The following HIVEP3 variants were observed in gnomAD, a reference collection of about 807,000 sequenced individuals.
The protein encoded by HIVEP3 is transcription factor HIVEP3.
Under a neutral mutation model 152.8 loss-of-function variants are expected in HIVEP3, and 49 were observed. That is an observed-to-expected ratio of 0.32 (90% CI 0.26 to 0.41). The LOEUF (loss-of-function observed/expected upper bound fraction) is 0.41, where lower values mean the gene tolerates loss of function less well. Among genes scored for constraint, HIVEP3 ranks in the 10% least tolerant of loss-of-function variants. HIVEP3 has a pLI of 1.00. For missense variants in HIVEP3, 2,790 were observed against 3,103.3 expected, an observed-to-expected ratio of 0.90 and a Z score of 2.40; for synonymous variants, 1,269 against 1,289.0, an observed-to-expected ratio of 0.98 and a Z score of 0.33.
chr1:41,834,936 T>C (rs1326304298), intron 1 of HIVEP3, among the ~76,000 whole-genome samples: 1 of 151,932 alleles, frequency 6.6e-6, no homozygotes, highest in African/African-American at 2.4e-5. Flanking sequence ...TGACCAGGAA[T>C]GATGAGCTGA....
chr1:41,685,203 T>C (rs1039080409), intron 2 of HIVEP3, among the ~76,000 whole-genome samples: 1 of 152,192 alleles, frequency 6.6e-6, no homozygotes, highest in Admixed American at 6.5e-5. Context: ...GCTGTTTGAA[T>C]GCAAGGTGCT....
intron 1 of HIVEP3, among the ~76,000 whole-genome samples, chr1:41,749,804 C>G (rs974611536): frequency 6.6e-6 from 1 of 152,186 alleles, no homozygotes; most frequent in Non-Finnish European, 1.5e-5. Context: ...CTCTACGGAG[C>G]TCCGGGGGCA....
intron 1 of HIVEP3, among the ~76,000 whole-genome samples, chr1:41,707,738 A>ACC (rs1264055084): frequency 6.6e-6 from 1 of 152,212 alleles, no homozygotes; most frequent in African/African-American, 2.4e-5. Flanking sequence ...CTCTTTCTAA[A>ACC]CCTCAGTTTC....
At chr1:41,962,458 A>G (rs1645174330) in intron 1 of HIVEP3, among the ~76,000 whole-genome samples, 1 of 152,246 alleles carries the variant, frequency 6.6e-6, no homozygotes, top group East Asian at 1.9e-4. Context: ...TTACTCGACA[A>G]TTCATATTTG....
At chr1:41,677,239 G>GA in intron 2 of HIVEP3, among the ~76,000 whole-genome samples, 1 of 152,320 alleles carries the variant, frequency 6.6e-6, no homozygotes, top group South Asian at 2.1e-4. Flanking sequence ...CAGGAGGAAT[G>GA]AAAATGAGCA....
At chr1:41,786,488 T>C (rs1209995619) in intron 1 of HIVEP3, among the ~76,000 whole-genome samples, 1 of 152,212 alleles carries the variant, frequency 6.6e-6, no homozygotes, top group Non-Finnish European at 1.5e-5. Flanking sequence ...GTCTGCAAAC[T>C]ACAGCCCACA....
chr1:41,669,070 G>C (rs1645836923), intron 2 of HIVEP3, among the ~76,000 whole-genome samples: 1 of 152,152 alleles, frequency 6.6e-6, no homozygotes, highest in East Asian at 1.9e-4. Flanking sequence ...CTTCCGGCCT[G>C]AAAACAAGCC....
In HIVEP3 at chr1:41,873,683, C is replaced by T. The variant is rs1343194233; in HGVS notation, c.-801+44730G>A. On this transcript the variant is annotated intron_variant, in intron 1 of 8. Transcript: ENST00000372583. The surrounding 1 kb of genome is among the most constrained non-coding windows in gnomAD (Gnocchi z 4.2). Reference sequence around the variant, plus strand: ...GGGAGAATCAATTCTCTTTAACTCTCTTCCAGAATACCTCACTACCTTCAG... The same window carrying T: ...GGGAGAATCAATTCTCTTTAACTCTTTTCCAGAATACCTCACTACCTTCAG... Among the ~76,000 whole-genome samples, 1 of 152,178 alleles carries T rather than the reference C, an allele frequency of 6.6e-6. No individual in the cohort carries two copies. Among genetic ancestry groups the T allele is most frequent in the Non-Finnish European group, 1.5e-5 (1 of 68,032 alleles).
At chr1:42,030,285 A>G (rs1047838073) in intron 1 of HIVEP3, among the ~76,000 whole-genome samples, 1 of 152,188 alleles carries the variant, frequency 6.6e-6, no homozygotes, top group African/African-American at 2.4e-5. Context: ...GCTATCATTA[A>G]TGTTAGCATA....
chr1:41,855,299 G>GT (rs1643728234), intron 1 of HIVEP3, among the ~76,000 whole-genome samples: 1 of 151,342 alleles, frequency 6.6e-6, no homozygotes, highest in African/African-American at 2.4e-5. Flanking sequence ...TTCTTCATGT[G>GT]TTTTTTGGCT....
At chr1:41,962,152 A>C (rs1160654255) in intron 1 of HIVEP3, among the ~76,000 whole-genome samples, 1 of 152,250 alleles carries the variant, frequency 6.6e-6, no homozygotes, top group African/African-American at 2.4e-5. Flanking sequence ...TAAGCCAGAA[A>C]TATAGGAAAA....
intron 3 of HIVEP3, among the ~76,000 whole-genome samples, chr1:41,624,206 C>A (rs1452680424): frequency 6.6e-6 from 1 of 152,188 alleles, no homozygotes; most frequent in Non-Finnish European, 1.5e-5. Context: ...GCATCCGTGG[C>A]CCCTCCATTA....
intron 1 of HIVEP3, among the ~76,000 whole-genome samples, chr1:41,747,001 G>A (rs780823128): frequency 1.3e-5 from 2 of 152,104 alleles, no homozygotes; most frequent in African/African-American, 4.8e-5. Flanking sequence ...GGGTCAGGGA[G>A]CATGAAATCA....
chr1:41,888,890 A>C, intron 1 of HIVEP3, among the ~76,000 whole-genome samples: 1 of 133,648 alleles, frequency 7.5e-6, no homozygotes, highest in African/African-American at 2.9e-5. Context: ...TCACACACAT[A>C]CCCCACACAC....
chr1:41,850,324 C>G (rs368241872), intron 1 of HIVEP3, among the ~76,000 whole-genome samples: 91 of 132,004 alleles, frequency 6.9e-4, no homozygotes, highest in African/African-American at 3.8e-3. Flanking sequence ...AAAAGGCCAC[C>G]ACACACACAA....
At chr1:41,735,798 C>T (rs1027727521) in intron 1 of HIVEP3, among the ~76,000 whole-genome samples, 1 of 152,124 alleles carries the variant, frequency 6.6e-6, no homozygotes, top group African/African-American at 2.4e-5. Context: ...CAGACAAAGC[C>T]GCCTCTCGAT....
At chr1:41,564,164 G>C (rs1178421305) in intron 5 of HIVEP3, among the ~76,000 whole-genome samples, 1 of 152,068 alleles carries the variant, frequency 6.6e-6, no homozygotes, top group Non-Finnish European at 1.5e-5. Flanking sequence ...CTGCACTCCA[G>C]CTTGGCAACA....
chr1:41,934,079 AG>A (rs1645008350), intron 1 of HIVEP3, among the ~76,000 whole-genome samples: 1 of 152,124 alleles, frequency 6.6e-6, no homozygotes, highest in South Asian at 2.1e-4. Flanking sequence ...AGAAGGGTCC[AG>A]GTAGAATTTC....
At chr1:41,749,657 A>T (rs1011821421) in intron 1 of HIVEP3, among the ~76,000 whole-genome samples, 1 of 152,182 alleles carries the variant, frequency 6.6e-6, no homozygotes, top group African/African-American at 2.4e-5. Context: ...AACAGAGCTC[A>T]CCTGGGGCTC....
Sources: gnomAD v4.1 joint callset for allele counts (sites outside exome capture counted in the v4.1 genomes callset) on GRCh38, gnomAD v4.1.1 for gene constraint, Gnocchi (gnomAD v3.1) non-coding constraint, MANE v1.5 for transcripts, NCBI Gene and HGNC (gene_info 2026-07-23, HGNC 2026-07-21) for gene names.